The following CADM2 variants were observed in gnomAD, a reference collection of about 807,000 sequenced individuals.
The protein encoded by CADM2 is immunoglobulin superfamily member 4D.
A neutral mutation model predicts 49.8 loss-of-function variants in CADM2; 12 were observed. The ratio of observed to expected loss-of-function variants is 0.24; its 90% confidence interval spans 0.15 to 0.39. The LOEUF is 0.39. Ranked by LOEUF, CADM2 falls within the 10% of genes least tolerant of loss-of-function variation. The pLI is 1.00. For synonymous variants in CADM2, 214 were observed against 175.4 expected (o/e 1.22, Z -1.74); for missense variants, 378 against 492.3 (o/e 0.77, Z 2.20).
In CADM2 at chr3:85,978,770, G is replaced by A. The variant is rs561970870; in HGVS notation, c.970+17123G>A. Among the ~76,000 whole-genome samples, 5 of 151,590 alleles carry A rather than the reference G, an allele frequency of 3.3e-5. No individual in the cohort carries two copies. In the East Asian group the frequency reaches 7.8e-4, roughly 24 times the overall value. ...AACATTTTGTTAATCTTATATGGTGGTATATGTGTTTATTTCTGTATGTGT... is the reference window on the plus strand; with the variant it reads ...AACATTTTGTTAATCTTATATGGTGATATATGTGTTTATTTCTGTATGTGT... On this transcript the variant is annotated intron_variant, in intron 8 of 9. Transcript: ENST00000383699.
In CADM2 at chr3:86,071,761, T is replaced by A. The variant is rs927810229; in HGVS notation, c.*4978T>A. 5 of 152,008 alleles carry A rather than the reference T, an allele frequency of 3.3e-5. No homozygotes were observed. Among genetic ancestry groups the A allele is most frequent in the African/African-American group, 9.7e-5 (4 of 41,444 alleles). 9.4% of individuals were successfully genotyped at this position (152,008 alleles called of 1,614,324 possible). On this transcript the variant is annotated 3_prime_UTR_variant, in exon 10 of 10. Transcript: ENST00000383699. Reference sequence around the variant, plus strand: ...TTTTTCCTTTTCTATCATTAGCTTTTCCTAAAGGCAAAATATTATAACTTT... The same window carrying A: ...TTTTTCCTTTTCTATCATTAGCTTTACCTAAAGGCAAAATATTATAACTTT...
At chr3:85,917,778 T>G (rs989509842) in intron 6 of CADM2, among the ~76,000 whole-genome samples, 1 of 152,192 alleles carries the variant, frequency 6.6e-6, no homozygotes, top group Admixed American at 6.6e-5. Flanking sequence ...ATTTTCACGA[T>G]ATTGATTCTT....
chr3:85,624,294 A>C (rs1223409476), intron 1 of CADM2, among the ~76,000 whole-genome samples: 2 of 152,152 alleles, frequency 1.3e-5, no homozygotes, highest in East Asian at 3.9e-4. Flanking sequence ...CACCTGGTAC[A>C]TAAAGTTTTG....
intron 1 of CADM2, among the ~76,000 whole-genome samples, chr3:85,365,620 T>C (rs910381869): frequency 6.6e-6 from 1 of 152,146 alleles, no homozygotes; most frequent in Non-Finnish European, 1.5e-5. Flanking sequence ...CTCTGTGTTG[T>C]TTGTTAGTTG....
intron 1 of CADM2, among the ~76,000 whole-genome samples, chr3:85,061,906 CTGT>C (rs555428598): frequency 1.4e-4 from 22 of 151,956 alleles, no homozygotes; most frequent in African/African-American, 4.8e-4. Context: ...ATTAGGTCTT[CTGT>C]TAGAACTTTT....
intron 1 of CADM2, among the ~76,000 whole-genome samples, chr3:85,466,364 C>A (rs1008480644): frequency 1.3e-5 from 2 of 152,024 alleles, no homozygotes; most frequent in Non-Finnish European, 2.9e-5. Context: ...CAAATTATTT[C>A]AACATTAAAA....
At chr3:85,314,713 A>G (rs2044424717) in intron 1 of CADM2, among the ~76,000 whole-genome samples, 1 of 152,138 alleles carries the variant, frequency 6.6e-6, no homozygotes, top group Admixed American at 6.6e-5. Flanking sequence ...GGTAAAACCC[A>G]TGTCTCAAAG....
rs1332411884 is a variant in CADM2, at chr3:85,710,128, A to G, written c.62-16394A>G. On this transcript the variant is annotated intron_variant, in intron 1 of 9. Transcript: ENST00000383699. The stretch of plus-strand genomic sequence containing the variant: ...GCAGAACATTTCCTATAGTGTATGT[A>G]TAGAGGTAGGTACAACAGAGCTATG... Among the ~76,000 whole-genome samples, 4 of 152,154 alleles carry G rather than the reference A, an allele frequency of 2.6e-5. No homozygotes were observed. In the East Asian group the frequency reaches 7.7e-4, roughly 29 times the overall value.
intron 1 of CADM2, among the ~76,000 whole-genome samples, chr3:85,544,713 T>A (rs550913856): frequency 6.6e-6 from 1 of 152,272 alleles, no homozygotes; most frequent in Non-Finnish European, 1.5e-5. Context: ...ATAACTTTAT[T>A]ACTGGAGTGG....
intron 1 of CADM2, among the ~76,000 whole-genome samples, chr3:85,245,253 C>T (rs920785910): frequency 6.6e-6 from 1 of 152,152 alleles, no homozygotes; most frequent in Non-Finnish European, 1.5e-5. Context: ...AGAATTTAGC[C>T]TGTAATCCCA....
intron 1 of CADM2, among the ~76,000 whole-genome samples, chr3:85,092,264 A>T (rs1248705018): frequency 6.6e-6 from 1 of 152,206 alleles, no homozygotes; most frequent in Non-Finnish European, 1.5e-5. Flanking sequence ...TGAATGATAC[A>T]TTTATCCACA....
At chr3:86,042,379 A>C (rs1201521741) in intron 8 of CADM2, among the ~76,000 whole-genome samples, 1 of 152,176 alleles carries the variant, frequency 6.6e-6, no homozygotes, top group Non-Finnish European at 1.5e-5. Context: ...AGATGCAATA[A>C]AAAATGATAA....
chr3:85,000,414 C>T (rs74767562), intron 1 of CADM2, among the ~76,000 whole-genome samples: 3,224 of 151,838 alleles, frequency 0.021, 128 homozygotes, highest in African/African-American at 0.073. Context: ...TCTTTTAAAG[C>T]TATAGAGAGC....
At chr3:85,416,460 TA>T (rs1486922336) in intron 1 of CADM2, among the ~76,000 whole-genome samples, 1 of 152,122 alleles carries the variant, frequency 6.6e-6, no homozygotes, top group Non-Finnish European at 1.5e-5. Context: ...TTAGAAAACG[TA>T]AAAAATTTAC....
At chr3:85,455,293 A>G (rs2037939818) in intron 1 of CADM2, among the ~76,000 whole-genome samples, 2 of 152,218 alleles carry the variant, frequency 1.3e-5, no homozygotes, top group African/African-American at 4.8e-5. Context: ...AAGTAACTCA[A>G]TACATGTCGC....
intron 1 of CADM2, among the ~76,000 whole-genome samples, chr3:85,379,865 A>G (rs1391609033): frequency 6.6e-6 from 1 of 152,188 alleles, no homozygotes; most frequent in African/African-American, 2.4e-5. Context: ...CTATAACTGG[A>G]GTTGATGCCA....
At chr3:85,321,116 A>ATATATATATTTTT (rs2044596196) in intron 1 of CADM2, among the ~76,000 whole-genome samples, 2 of 27,502 alleles carry the variant, frequency 7.3e-5, no homozygotes, top group Non-Finnish European at 1.3e-4. Flanking sequence ...ATATATATAT[A>ATATATATATTTTT]TTTTTTTTTT....
intron 1 of CADM2, among the ~76,000 whole-genome samples, chr3:85,679,476 C>G (rs764733082): frequency 4.6e-5 from 7 of 152,080 alleles, no homozygotes; most frequent in Non-Finnish European, 1.0e-4. Context: ...ATGACAAATA[C>G]AGTATTTATT....
intron 1 of CADM2, among the ~76,000 whole-genome samples, chr3:85,232,638 G>C (rs2042320355): frequency 6.6e-6 from 1 of 151,924 alleles, no homozygotes. Flanking sequence ...CACCAAAAAA[G>C]CTTTACTGAT....
Sources: allele counts gnomAD v4.1 joint callset (sites outside exome capture counted in the v4.1 genomes callset), GRCh38; gene constraint gnomAD v4.1.1; transcripts MANE v1.5; gene names NCBI Gene and HGNC (gene_info 2026-07-23, HGNC 2026-07-21).